Variants in LAMA5 observed in about 807,000 individuals in gnomAD.
The protein encoded by LAMA5 is laminin subunit alpha-5.
A neutral mutation model predicts 433.4 loss-of-function variants in LAMA5; 260 were observed. The observed-to-expected ratio is 0.60, with a 90% CI of 0.54 to 0.66. The LOEUF (loss-of-function observed/expected upper bound fraction) is 0.66, where lower values mean the gene tolerates loss of function less well. Ranked by LOEUF, LAMA5 falls within the 30% of genes least tolerant of loss-of-function variation. The pLI is 0.00. For synonymous variants in LAMA5, 2,620 were observed against 2,226.6 expected (o/e 1.18, Z -4.97); for missense variants, 5,378 against 5,258.5 (o/e 1.02, Z -0.70).
At chr20:62,360,634 A>G (rs1314228258) in intron 2 of LAMA5, among the ~76,000 whole-genome samples, 42 of 5,306 alleles carry the variant, frequency 7.9e-3, no homozygotes, top group South Asian at 0.051. Context: ...GGAGGGATAG[A>G]TGGGTGGGTG....
chr20:62,345,912 G>A, intron 10 of LAMA5, 35 bp from the exon 11 acceptor site: 1 of 1,556,938 alleles, frequency 6.4e-7, no homozygotes, highest in Non-Finnish European at 8.7e-7. Context: ...GGCCAGGTCT[G>A]CTCAGAACCC....
Position 62,345,543 on chromosome 20 carries a change from A to T in LAMA5, c.1477+275T>A, listed in dbSNP as rs1198190433. On this transcript the variant is annotated intron_variant, in intron 11 of 79. Transcript: ENST00000252999. ...CACCTCAGCCTCCGGAGTAGCTCGA[A>T]CTACAGGCACACATCACTACACCCA... is the stretch of plus-strand genomic sequence containing the variant. The T allele has an allele frequency of 1.0e-5, 6 of 587,372 alleles. No homozygotes were observed. The East Asian group carries it at 2.1e-4, about 21-fold the overall frequency. 36.4% of individuals were successfully genotyped at this position (587,372 alleles called of 1,614,324 possible). A position where few individuals can be genotyped will look rare whatever the true frequency, so the allele number is the denominator to read the frequency against.
chr20:62,365,091 C>A (rs1358455523), intron 1 of LAMA5, among the ~76,000 whole-genome samples: 5 of 152,396 alleles, frequency 3.3e-5, no homozygotes, highest in African/African-American at 1.2e-4. Flanking sequence ...ACCAGCTGAT[C>A]TTTCTACATA....
chr20:62,309,949 G>A, intron 78 of LAMA5, 39 bp downstream of exon 78: 1 of 1,605,266 alleles, frequency 6.2e-7, no homozygotes, highest in Non-Finnish European at 8.5e-7. Context: ...GCAGAAGGGT[G>A]GGGGTGGCAG....
intron 6 of LAMA5, among the ~76,000 whole-genome samples, chr20:62,350,599 A>T (rs1210821372): frequency 2.0e-5 from 3 of 152,106 alleles, no homozygotes; most frequent in Admixed American, 1.3e-4. Context: ...ATCCAAGCGC[A>T]TGAAAGTTGG....
rs770274804 is a variant in LAMA5 at position 62,310,051 on chromosome 20, C to T, written c.10765G>A (p.Glu3589Lys). 6.2e-7 allele frequency: 1 copy of T among 1,611,358 alleles called. No individual in the cohort carries two copies. Among genetic ancestry groups the T allele is most frequent in the Non-Finnish European group, 8.5e-7 (1 of 1,179,740 alleles). The change falls in exon 78 of 80, where the codon GAG (glutamate) becomes AAG (lysine). Residue 3589 changes from glutamate (E) to lysine (K), a missense_variant. Glu to Lys is a moderately conservative substitution (Grantham distance 56, BLOSUM62 1). Transcript: ENST00000252999. Reference protein sequence around the residue: ...VLLRADDGAGEFSTSVTRPSV... With the variant: ...VLLRADDGAGKFSTSVTRPSV... ...GGGCGGGTCACTGACGTGGAGAACT[C>T]CCCTGCTCCGTCATCCGCCCGCAGC...
intron 50 of LAMA5, among the ~76,000 whole-genome samples, chr20:62,320,243 G>A (rs576285432): frequency 5.2e-4 from 79 of 150,556 alleles, no homozygotes; most frequent in African/African-American, 1.9e-3. Context: ...GCTTGAACCC[G>A]GGAGGCAGAG....
chr20:62,334,000 G>T lies in LAMA5; in HGVS notation c.2779C>A (p.Leu927Ile). The T allele has an allele frequency of 6.2e-7, 1 of 1,613,070 alleles. No homozygotes were observed. The highest frequency in any genetic ancestry group is 8.5e-7 in the Non-Finnish European group (1 of 1,179,876). The change falls in exon 23 of 80, where the codon CTT becomes ATT. Residue 927 changes from leucine (L) to isoleucine (I), a missense_variant. Leu to Ile is a conservative substitution (Grantham distance 5, BLOSUM62 2). Transcript: ENST00000252999. ...ACGTATCGGAAGACGAGCCAGAAAA[G>T]GTCAGGGGAGGTCAGGTTCAGCCTG... is the stretch of plus-strand genomic sequence containing the variant. ...VARLNLTSPD[L>I]FWLVFRYVNR... is the part of the protein sequence containing the mutation.
chr20:62,316,130 T>C, intron 57 of LAMA5, 72 bp from the exon 58 acceptor site: 6 of 1,051,022 alleles, frequency 5.7e-6, no homozygotes, highest in Non-Finnish European at 8.5e-6. Context: ...CCTCCACCCT[T>C]CTGACCCCAG....
At chr20:62,366,723 C>T (rs548339918) in intron 1 of LAMA5, among the ~76,000 whole-genome samples, 1 of 152,376 alleles carries the variant, frequency 6.6e-6, no homozygotes, top group South Asian at 2.1e-4. Flanking sequence ...CCAGCCGCCC[C>T]CGGGTCCATG....
In LAMA5 at chr20:62,326,683, C is replaced by T; in HGVS notation, c.5292G>A (p.Leu1764=). ...PGHVHRGQLQ[L]VEGNFRHTET... ...CCAAGCCAGCTCCCCTCACCTCCACCAGCTGCAGCTGCCCACGGTGAACGT... is the reference window on the plus strand; with the variant it reads ...CCAAGCCAGCTCCCCTCACCTCCACTAGCTGCAGCTGCCCACGGTGAACGT... Residue 1764 remains leucine (L), a synonymous_variant, in exon 40 of 80, where the codon CTG becomes CTA. Transcript: ENST00000252999. 1 of 1,612,100 alleles carries T rather than the reference C, an allele frequency of 6.2e-7. No individual in the cohort carries two copies. The highest frequency in any genetic ancestry group is 8.5e-7 in the Non-Finnish European group (1 of 1,179,436).
Position 62,313,070 on chromosome 20 carries a change from C to T in LAMA5, c.8955+18G>A, listed in dbSNP as rs34599904. The T allele has an allele frequency of 0.029, 47,073 of 1,606,608 alleles. 802 individuals carry two copies. Among genetic ancestry groups the T allele is most frequent in the Non-Finnish European group, 0.034 (40,594 of 1,177,716 alleles). On this transcript the variant is annotated intron_variant, in intron 65 of 79. Transcript: ENST00000252999. ...GTCAGTGCAAGTGGGGATGGCAGGA[C>T]GGGTGTGCCTGGCGCACCTGCTGCT...
chr20:62,317,531 T>C (rs1163351818), intron 54 of LAMA5, 32 bp from the exon 55 acceptor site: 1 of 1,529,338 alleles, frequency 6.5e-7, no homozygotes, highest in Non-Finnish European at 8.8e-7. Flanking sequence ...CCCCTCATCC[T>C]GCTCACAGCC....
At chr20:62,314,481 G>T (rs776661673) in intron 61 of LAMA5, 41 bp from the exon 62 acceptor site, 2 of 1,611,134 alleles carry the variant, frequency 1.2e-6, no homozygotes, top group Middle Eastern at 1.7e-4. Flanking sequence ...GGGGACCGGG[G>T]ACCAGGGACC....
At position 62,359,751 on chromosome 20, in the gene LAMA5, G is replaced by A. The variant is rs1985755114; in HGVS notation, c.450+2649C>T. ...CGGGACCCAGGCCAGGAGCCCAGCT[G>A]GCACTCCCGGGGGCCCAGGCTCAGC... On this transcript the variant is annotated intron_variant, in intron 2 of 79. Transcript: ENST00000252999. This position sits in a 1 kb window ranked among gnomAD's most constrained non-coding sequence, Gnocchi z 4.3. Among the ~76,000 whole-genome samples, 1 of 151,978 alleles carries A rather than the reference G, an allele frequency of 6.6e-6. No individual in the cohort carries two copies. Among genetic ancestry groups the A allele is most frequent in the South Asian group, 2.1e-4 (1 of 4,820 alleles).
intron 6 of LAMA5, among the ~76,000 whole-genome samples, chr20:62,347,348 C>T (rs1009894359): frequency 3.9e-5 from 6 of 152,110 alleles, no homozygotes; most frequent in South Asian, 2.1e-4. Context: ...GGGCCTAGGA[C>T]AGGGCACCTC....
chr20:62,326,651 T>C, intron 40 of LAMA5, 26 bp downstream of exon 40: 1 of 1,596,038 alleles, frequency 6.3e-7, no homozygotes, highest in Non-Finnish European at 8.6e-7. Flanking sequence ...ATGAGGGACC[T>C]GGGTGCCCAA....
At chr20:62,327,467 T>A in intron 37 of LAMA5, 61 bp from the exon 38 acceptor site, 1 of 1,605,498 alleles carries the variant, frequency 6.2e-7, no homozygotes, top group Non-Finnish European at 8.5e-7. Context: ...GGGCCCCATC[T>A]TGCATCCAGT....
In LAMA5 at chr20:62,309,069, A is replaced by G; in HGVS notation, c.*267T>C. The G allele has an allele frequency of 3.3e-6, 2 of 610,866 alleles. No homozygotes were observed. Among genetic ancestry groups the G allele is most frequent in the South Asian group, 4.7e-5 (2 of 42,640 alleles). 37.8% of individuals were successfully genotyped at this position (610,866 alleles called of 1,614,324 possible). A position where few individuals can be genotyped will look rare whatever the true frequency, so the allele number is the denominator to read the frequency against. On this transcript the variant is annotated 3_prime_UTR_variant, in exon 80 of 80. Transcript: ENST00000252999. ...TTTAAGTCAACATTCATTCGGTTAC[A>G]CAGAAGTTACTTTTTAATTTTTAAG...
Sources: gnomAD v4.1 joint callset for allele counts (sites outside exome capture counted in the v4.1 genomes callset) on GRCh38, gnomAD v4.1.1 for gene constraint, Gnocchi (gnomAD v3.1) non-coding constraint, MANE v1.5 for transcripts, NCBI Gene and HGNC (gene_info 2026-07-23, HGNC 2026-07-21) for gene names.